Variants in EVC2 observed in about 807,000 individuals in gnomAD.
EVC2 encodes EvC ciliary complex subunit 2.
In EVC2, 148 loss-of-function variants were observed where a neutral mutation model predicts 149.3. That is an observed-to-expected ratio of 0.99 (90% CI 0.87 to 1.14). The LOEUF (loss-of-function observed/expected upper bound fraction) is 1.14, where lower values mean the gene tolerates loss of function less well. Ranked by LOEUF, EVC2 falls within the 50% of genes most tolerant of loss-of-function variation. The pLI, the probability that EVC2 is intolerant of heterozygous loss-of-function variation, is 0.00. For synonymous variants in EVC2, 776 were observed against 649.9 expected, an observed-to-expected ratio of 1.19 and a Z score of -2.95; for missense variants, 1,854 against 1,627.3, an observed-to-expected ratio of 1.14 and a Z score of -2.40.
At chr4:5,635,809 G>A (rs1475925433) in intron 10 of EVC2, among the ~76,000 whole-genome samples, 1 of 152,210 alleles carries the variant, frequency 6.6e-6, no homozygotes, top group African/African-American at 2.4e-5. Context: ...CTCTTTCAGT[G>A]GCAGAAAAGC....
intron 11 of EVC2, 90 bp downstream of exon 11, chr4:5,631,703 G>C: frequency 6.5e-7 from 1 of 1,549,720 alleles, no homozygotes; most frequent in Non-Finnish European, 8.8e-7. Flanking sequence ...CAGTACAAAG[G>C]AGAGGCAGGA....
intron 16 of EVC2, among the ~76,000 whole-genome samples, chr4:5,608,328 G>A (rs1226056296): frequency 6.6e-6 from 1 of 152,168 alleles, no homozygotes; most frequent in African/African-American, 2.4e-5. Flanking sequence ...GCTCCACAGT[G>A]GGCCTCTTGG....
At chr4:5,651,242 T>C (rs1343268042) in intron 9 of EVC2, among the ~76,000 whole-genome samples, 1 of 93,778 alleles carries the variant, frequency 1.1e-5, no homozygotes, top group Non-Finnish European at 2.3e-5. Context: ...AGATGAAGTA[T>C]GGATGATAGA....
intron 2 of EVC2, among the ~76,000 whole-genome samples, chr4:5,694,949 G>A (rs909063682): frequency 3.3e-5 from 5 of 152,124 alleles, no homozygotes; most frequent in Admixed American, 3.3e-4. Flanking sequence ...GGTCCTTCTG[G>A]GCACCCGCCT....
At chr4:5,691,584 G>C (rs1721123810) in intron 3 of EVC2, among the ~76,000 whole-genome samples, 1 of 152,206 alleles carries the variant, frequency 6.6e-6, no homozygotes, top group Non-Finnish European at 1.5e-5. Context: ...TGGGACACCT[G>C]TTGTCACAGG....
chr4:5,572,916 T>C (rs763239422), intron 19 of EVC2, among the ~76,000 whole-genome samples: 2 of 152,170 alleles, frequency 1.3e-5, no homozygotes, highest in Non-Finnish European at 2.9e-5. Flanking sequence ...AGTATGTGCA[T>C]CACCAAGCTG....
chr4:5,620,194 C>T (rs1046081701), intron 14 of EVC2, among the ~76,000 whole-genome samples: 2 of 152,160 alleles, frequency 1.3e-5, no homozygotes, highest in African/African-American at 4.8e-5. Context: ...TGCAGCAGCC[C>T]CCTTGCACCT....
At chr4:5,682,351 G>A (rs1213606255) in intron 6 of EVC2, among the ~76,000 whole-genome samples, 5 of 151,760 alleles carry the variant, frequency 3.3e-5, no homozygotes, top group African/African-American at 1.2e-4. Context: ...TTAGCTGGGT[G>A]TGGTGGCGGG....
intron 1 of EVC2, among the ~76,000 whole-genome samples, chr4:5,702,704 G>A (rs1721900540): frequency 6.6e-6 from 1 of 152,182 alleles, no homozygotes; most frequent in African/African-American, 2.4e-5. Context: ...TTCTCTCTTT[G>A]TAAGAAGAAG....
At chr4:5,598,466 G>A (rs1713660787) in intron 16 of EVC2, among the ~76,000 whole-genome samples, 1 of 152,032 alleles carries the variant, frequency 6.6e-6, no homozygotes, top group Non-Finnish European at 1.5e-5. Context: ...CAAGCAATGG[G>A]GAAAGGATTC....
At chr4:5,623,435 G>A (rs1715878639) in intron 13 of EVC2, among the ~76,000 whole-genome samples, 1 of 151,980 alleles carries the variant, frequency 6.6e-6, no homozygotes, top group South Asian at 2.1e-4. Flanking sequence ...CACCTCCCAG[G>A]TTCAAGTGAT....
intron 10 of EVC2, 133 bp from the exon 11 acceptor site, chr4:5,632,165 C>A: frequency 8.1e-7 from 1 of 1,230,532 alleles, no homozygotes; most frequent in Non-Finnish European, 1.1e-6. Flanking sequence ...TGCACATATG[C>A]ATTACAATAT....
At chr4:5,703,479 C>T (rs1205807609) in intron 1 of EVC2, among the ~76,000 whole-genome samples, 1 of 152,138 alleles carries the variant, frequency 6.6e-6, no homozygotes, top group Non-Finnish European at 1.5e-5. Flanking sequence ...TAAGTTGACA[C>T]ATGAAATGCT....
At chr4:5,667,370 C>G (rs1719348782) in intron 7 of EVC2, among the ~76,000 whole-genome samples, 1 of 151,406 alleles carries the variant, frequency 6.6e-6, no homozygotes, top group South Asian at 2.1e-4. Context: ...ATTATTATTA[C>G]TACTATTATG....
chr4:5,628,323 C>T (rs1368098737), intron 12 of EVC2, among the ~76,000 whole-genome samples: 1 of 152,084 alleles, frequency 6.6e-6, no homozygotes, highest in Non-Finnish European at 1.5e-5. Flanking sequence ...TGTTAGTTAT[C>T]ACGGGTTTGA....
At chr4:5,691,219 A>G in intron 4 of EVC2, 46 bp downstream of exon 4, 1 of 1,552,646 alleles carries the variant, frequency 6.4e-7, no homozygotes, top group Non-Finnish European at 8.9e-7. Flanking sequence ...TCTGGGCAAA[A>G]TCCAATTATT....
At chr4:5,643,595 C>T (rs904906610) in intron 9 of EVC2, among the ~76,000 whole-genome samples, 4 of 152,284 alleles carry the variant, frequency 2.6e-5, no homozygotes, top group East Asian at 1.9e-4. Context: ...AGGTAGAGTG[C>T]GACTACCTAC....
intron 17 of EVC2, among the ~76,000 whole-genome samples, chr4:5,582,811 G>A (rs1711921689): frequency 1.3e-5 from 2 of 152,308 alleles, no homozygotes; most frequent in Admixed American, 1.3e-4. Context: ...CTTCGGTGCT[G>A]TTCTCGTGAT....
Position 5,697,575 on chromosome 4 carries a change from A to C in EVC2, c.283+18T>G, listed in dbSNP as rs894951363. 2 of 1,613,872 alleles carry C rather than the reference A, an allele frequency of 1.2e-6. No homozygotes were observed. Among genetic ancestry groups the C allele is most frequent in the African/African-American group, 2.7e-5 (2 of 74,918 alleles). ...TCATGCTCAAAACAGGGGAACATCA[A>C]CCAGAAGAAAAACTCACCTGCAGTC... On this transcript the variant is annotated intron_variant, in intron 2 of 21. Coordinates refer to ENST00000344408, the MANE Select transcript of EVC2 (RefSeq NM_147127.5).
Sources: allele counts gnomAD v4.1 joint callset (sites outside exome capture counted in the v4.1 genomes callset), GRCh38; gene constraint gnomAD v4.1.1; transcripts MANE v1.5; gene names NCBI Gene and HGNC (gene_info 2026-07-23, HGNC 2026-07-21).